Variants in MARCHF1 observed in about 807,000 individuals in gnomAD.
MARCHF1 encodes membrane associated ring-CH-type finger 1, also known as E3 ubiquitin-protein ligase MARCHF1.
MARCHF1 carries 40 observed loss-of-function variants against 54.2 expected under a neutral mutation model. The observed-to-expected ratio is 0.74, with a 90% CI of 0.57 to 0.96. The LOEUF (loss-of-function observed/expected upper bound fraction) is 0.96, where lower values mean the gene tolerates loss of function less well. Among genes scored for constraint, MARCHF1 ranks in the 40% least tolerant of loss-of-function variants. MARCHF1 has a pLI of 0.00. For missense variants in MARCHF1, 586 were observed against 656.5 expected (o/e 0.89, Z 1.17); for synonymous variants, 236 against 236.3 (o/e 1.00, Z 0.01).
chr4:164,148,900 G>A (rs1052715930), intron 1 of MARCHF1, among the ~76,000 whole-genome samples: 3 of 152,074 alleles, frequency 2.0e-5, no homozygotes, highest in Admixed American at 1.3e-4. Flanking sequence ...CTGTAGGCAA[G>A]GATATTATTA....
At chr4:163,733,917 A>T in intron 4 of MARCHF1, among the ~76,000 whole-genome samples, 1 of 152,320 alleles carries the variant, frequency 6.6e-6, no homozygotes, top group South Asian at 2.1e-4. Flanking sequence ...CATATCAAGA[A>T]ATTTTGTCCA....
intron 1 of MARCHF1, among the ~76,000 whole-genome samples, chr4:164,113,919 G>A (rs1260908933): frequency 1.4e-5 from 2 of 146,554 alleles, no homozygotes; most frequent in East Asian, 2.0e-4. Flanking sequence ...TATATAAAAC[G>A]ATAACTGTTT....
At chr4:163,531,011 G>A (rs1284010697) in intron 9 of MARCHF1, among the ~76,000 whole-genome samples, 3 of 151,872 alleles carry the variant, frequency 2.0e-5, no homozygotes, top group African/African-American at 7.2e-5. Context: ...TTTCAGAGCA[G>A]AAAGCACCAA....
At chr4:164,009,478 G>A (rs974137401) in intron 2 of MARCHF1, among the ~76,000 whole-genome samples, 1 of 152,100 alleles carries the variant, frequency 6.6e-6, no homozygotes, top group African/African-American at 2.4e-5. Context: ...AAAAGCAGAT[G>A]AAGATACAAT....
intron 2 of MARCHF1, among the ~76,000 whole-genome samples, chr4:164,108,496 C>T (rs1755757810): frequency 6.6e-6 from 1 of 151,844 alleles, no homozygotes; most frequent in Non-Finnish European, 1.5e-5. Context: ...AGAGCAAAGA[C>T]TTATAACATA....
intron 5 of MARCHF1, among the ~76,000 whole-genome samples, chr4:163,682,946 T>C (rs1744153475): frequency 6.6e-6 from 1 of 152,160 alleles, no homozygotes; most frequent in Non-Finnish European, 1.5e-5. Context: ...GATATTATAG[T>C]TTAGTACAGC....
intron 2 of MARCHF1, among the ~76,000 whole-genome samples, chr4:163,990,288 T>C (rs1752947754): frequency 6.6e-6 from 1 of 151,914 alleles, no homozygotes. Flanking sequence ...AATGCATAGA[T>C]CCCTAACAGA....
At chr4:163,691,771 G>A (rs973970596) in intron 5 of MARCHF1, among the ~76,000 whole-genome samples, 1 of 152,150 alleles carries the variant, frequency 6.6e-6, no homozygotes, top group Non-Finnish European at 1.5e-5. Context: ...AGTGGTCCAA[G>A]CAGTCATCAA....
chr4:163,560,322 A>T (rs867652245), intron 8 of MARCHF1, among the ~76,000 whole-genome samples: 3 of 152,134 alleles, frequency 2.0e-5, no homozygotes, highest in African/African-American at 7.2e-5. Flanking sequence ...CTTTATCGAA[A>T]ATCAGTTGAC....
chr4:164,227,068 T>C (rs1732279939), intron 1 of MARCHF1, among the ~76,000 whole-genome samples: 1 of 152,048 alleles, frequency 6.6e-6, no homozygotes, highest in Non-Finnish European at 1.5e-5. Flanking sequence ...CCAAAAACTA[T>C]GGCCAAGAAG....
At chr4:164,131,971 G>A (rs71616616) in intron 1 of MARCHF1, among the ~76,000 whole-genome samples, 6,897 of 152,092 alleles carry the variant, frequency 0.045, 214 homozygotes, top group Middle Eastern at 0.14. Flanking sequence ...TAAATTCTAC[G>A]TATAAATAAA....
chr4:163,993,583 A>T (rs1753008220), intron 2 of MARCHF1, among the ~76,000 whole-genome samples: 1 of 152,154 alleles, frequency 6.6e-6, no homozygotes, highest in Admixed American at 6.6e-5. Flanking sequence ...TGGAGAATCA[A>T]TAGCAGTCAC....
intron 4 of MARCHF1, among the ~76,000 whole-genome samples, chr4:163,801,491 G>A (rs972094158): frequency 1.3e-5 from 2 of 151,944 alleles, no homozygotes; most frequent in African/African-American, 4.8e-5. Flanking sequence ...AATGTGCTAC[G>A]GAAATACTTT....
intron 3 of MARCHF1, among the ~76,000 whole-genome samples, chr4:163,897,794 C>T (rs1042167641): frequency 7.9e-5 from 12 of 152,112 alleles, no homozygotes; most frequent in South Asian, 2.1e-4. Flanking sequence ...TGGTGGCTCA[C>T]GCCTATAATC....
intron 4 of MARCHF1, among the ~76,000 whole-genome samples, chr4:163,707,501 A>G (rs72993144): frequency 0.028 from 4,230 of 152,130 alleles, 161 homozygotes; most frequent in African/African-American, 0.085. Flanking sequence ...TGTAAATTAA[A>G]GTAGCAACAA....
At chr4:163,933,070 C>T (rs1751714990) in intron 3 of MARCHF1, 1 of 1,475,780 alleles carries the variant, frequency 6.8e-7, no homozygotes, top group East Asian at 2.6e-5. Context: ...CTTAATAACC[C>T]AGAGCTTGCC....
rs113724443 is a variant in MARCHF1, at chr4:164,325,996, G to A, written c.-323+57874C>T. Reference sequence around the variant, plus strand: ...GTTCACTATTGTACATTTTTATGTCGATTCCAAAACTTTCAATTTTAATAA... The same window carrying A: ...GTTCACTATTGTACATTTTTATGTCAATTCCAAAACTTTCAATTTTAATAA... On this transcript the variant is annotated intron_variant, in intron 1 of 9. Transcript: ENST00000514618. Among the ~76,000 whole-genome samples the A allele has an allele frequency of 1.7e-3, 254 of 152,128 alleles. 3 individuals are homozygous for A. Among genetic ancestry groups the A allele is most frequent in the African/African-American group, 5.5e-3 (228 of 41,536 alleles).
At position 163,612,908 on chromosome 4, in the gene MARCHF1, A is replaced by G. The variant is rs1378035561; in HGVS notation, c.373T>C (p.Ser125Pro). Residue 125 changes from serine to proline, a missense_variant, in exon 7 of 10, where the codon TCT (serine) becomes CCT (proline). This residue lies in a region of MARCHF1 where 387 missense variants were observed against 394.6 expected (regional missense o/e 0.98). Coordinates refer to ENST00000514618, the MANE Select transcript of MARCHF1 (RefSeq NM_001394959.1). ...IQRPRRRRKA[S>P]ERYEHAAEEQ... The stretch of plus-strand genomic sequence containing the variant: ...TCTGCAGCATGCTCATATCTCTCAG[A>G]GGCTTTTCTCCTCCTCCTAGGTCTT... 8 of 1,535,352 alleles carry G rather than the reference A, an allele frequency of 5.2e-6. No homozygotes were observed. The highest frequency in any genetic ancestry group is 6.1e-6 in the Non-Finnish European group (7 of 1,146,520).
rs150165898 is a variant in MARCHF1, at chr4:163,743,339, G to T, written c.112-42476C>A. 2.0e-5 allele frequency among the ~76,000 whole-genome samples: 3 copies of T among 152,324 alleles called. No individual in the cohort carries two copies. The East Asian group carries it at 5.8e-4, about 29-fold the overall frequency. On this transcript the variant is annotated intron_variant, in intron 4 of 9. Coordinates refer to ENST00000514618, the MANE Select transcript of MARCHF1 (RefSeq NM_001394959.1). The stretch of plus-strand genomic sequence containing the variant: ...CTCATTACAGATAAGCAGATGAGAA[G>T]AGTGGTATGAGGCAGAATTTCCAAG...
Sources: allele counts gnomAD v4.1 joint callset (sites outside exome capture counted in the v4.1 genomes callset), GRCh38; gene constraint gnomAD v4.1.1; regional missense constraint gnomAD v4.1.1; transcripts MANE v1.5; gene names NCBI Gene and HGNC (gene_info 2026-07-23, HGNC 2026-07-21).